GRM5: variants seen among roughly 807,000 people sequenced by gnomAD.
The protein encoded by GRM5 is metabotropic glutamate receptor 5.
In GRM5, 19 loss-of-function variants were observed where a neutral mutation model predicts 83.1. The ratio of observed to expected loss-of-function variants is 0.23; its 90% CI spans 0.16 to 0.34. The LOEUF (loss-of-function observed/expected upper bound fraction) is 0.34, where lower values mean the gene tolerates loss of function less well. Ranked by LOEUF, GRM5 falls within the 10% of genes least tolerant of loss-of-function variation. The pLI, the probability that GRM5 is intolerant of heterozygous loss-of-function variation, is 1.00. For synonymous variants in GRM5, 675 were observed against 633.6 expected (o/e 1.07, Z -0.98); for missense variants, 1,160 against 1,588.3 (o/e 0.73, Z 4.58).
intron 2 of GRM5, among the ~76,000 whole-genome samples, chr11:88,942,985 C>A (rs2135668567): frequency 6.6e-6 from 1 of 152,164 alleles, no homozygotes; most frequent in Non-Finnish European, 1.5e-5. Context: ...AATATGGCAC[C>A]ATTTCTTTAT....
chr11:88,583,460 T>C (rs1232877633), intron 7 of GRM5, among the ~76,000 whole-genome samples: 2 of 152,242 alleles, frequency 1.3e-5, no homozygotes, highest in African/African-American at 2.4e-5. Flanking sequence ...AGCTTTGGAC[T>C]TACGTAAGAT....
intron 1 of GRM5, among the ~76,000 whole-genome samples, chr11:89,056,774 T>C (rs1036590985): frequency 2.0e-5 from 3 of 152,152 alleles, no homozygotes; most frequent in Non-Finnish European, 4.4e-5. Flanking sequence ...GGTAAATGTA[T>C]TAATAGTTTG....
rs1008672368 is a variant in GRM5, at chr11:88,611,970, A to AT, written c.1148-7007dup. Among the ~76,000 whole-genome samples, 67 of 146,032 alleles carry AT rather than the reference A, an allele frequency of 4.6e-4. 1 individual carries two copies. Among genetic ancestry groups the AT allele is most frequent in the African/African-American group, 9.8e-4 (36 of 36,852 alleles). Reference sequence around the variant, plus strand: ...GAATTTATTTATTTATTTATTTATTATTTTTTTTTATTATACTTTAAGTTT... The same window carrying AT: ...GAATTTATTTATTTATTTATTTATTATTTTTTTTTTATTATACTTTAAGTTT... On this transcript the variant is annotated intron_variant, in intron 4 of 9. Coordinates refer to ENST00000305447, the MANE Select transcript of GRM5 (RefSeq NM_001143831.3).
chr11:88,902,820 A>G (rs1252878918), intron 2 of GRM5, among the ~76,000 whole-genome samples: 1 of 151,828 alleles, frequency 6.6e-6, no homozygotes, highest in Non-Finnish European at 1.5e-5. Context: ...GCATGGTGGT[A>G]TGCGCCTGTG....
chr11:88,914,792 T>C (rs554145132), intron 2 of GRM5, among the ~76,000 whole-genome samples: 1 of 152,332 alleles, frequency 6.6e-6, no homozygotes, highest in East Asian at 1.9e-4. Context: ...TTAGCAATCA[T>C]AATAGGTATT....
chr11:88,915,751 A>T (rs1945579242), intron 2 of GRM5, among the ~76,000 whole-genome samples: 1 of 152,128 alleles, frequency 6.6e-6, no homozygotes, highest in Non-Finnish European at 1.5e-5. Context: ...TCTTTGGAGG[A>T]TCTTCAAAGC....
chr11:88,648,682 G>T (rs2221107), intron 4 of GRM5, among the ~76,000 whole-genome samples: 104,210 of 151,432 alleles, frequency 0.69, 41,611 homozygotes, highest in Non-Finnish European at 0.9. Flanking sequence ...TCAAGAGAGA[G>T]ATTCAAATCT....
chr11:88,586,329 C>A (rs915281164), intron 7 of GRM5, among the ~76,000 whole-genome samples: 3 of 152,086 alleles, frequency 2.0e-5, no homozygotes, highest in Non-Finnish European at 4.4e-5. Flanking sequence ...TTGTTTAATT[C>A]CAGGTGGGCT....
chr11:88,740,968 TG>T (rs758576568), intron 3 of GRM5, among the ~76,000 whole-genome samples: 57 of 152,158 alleles, frequency 3.7e-4, no homozygotes, highest in Middle Eastern at 3.4e-3. Context: ...GATCTGTTGG[TG>T]GTATCTTCCT....
In GRM5 at chr11:88,509,265, C is replaced by T; in HGVS notation, c.2966G>A (p.Gly989Glu). 6.8e-7 allele frequency: 1 copy of T among 1,472,916 alleles called. No homozygotes were observed. Among genetic ancestry groups the T allele is most frequent in the Non-Finnish European group, 9.0e-7 (1 of 1,116,776 alleles). 91.2% of individuals were successfully genotyped at this position (1,472,916 alleles called of 1,614,324 possible). ...GAGCAGAGPGGPESPDAGPKA... is the reference protein window; with the variant it reads ...GAGCAGAGPGEPESPDAGPKA... ...GGGGCCGGCGTCTGGGGACTCGGGC[C>T]CGCCTGGGCCGGCGCCTGCGCAGCC... The change falls in exon 10 of 10, where the codon GGG (glycine) becomes GAG (glutamate). Residue 989 changes from glycine (G) to glutamate (E), a missense_variant. Gly to Glu is a moderately conservative substitution (Grantham distance 98). Coordinates refer to ENST00000305447, the MANE Select transcript of GRM5 (RefSeq NM_001143831.3).
chr11:88,807,664 C>T (rs1943519457), intron 3 of GRM5, among the ~76,000 whole-genome samples: 1 of 152,014 alleles, frequency 6.6e-6, no homozygotes, highest in Non-Finnish European at 1.5e-5. Flanking sequence ...GTCTGTTAAG[C>T]AAGTCTGTCA....
intron 8 of GRM5, among the ~76,000 whole-genome samples, chr11:88,563,049 T>G (rs1417963879): frequency 1.3e-5 from 2 of 152,154 alleles, no homozygotes; most frequent in African/African-American, 4.8e-5. Flanking sequence ...ATGAGGAAAA[T>G]GAACTCTAAA....
intron 2 of GRM5, among the ~76,000 whole-genome samples, chr11:88,997,655 AG>A (rs1343111841): frequency 6.6e-6 from 1 of 152,074 alleles, no homozygotes; most frequent in Non-Finnish European, 1.5e-5. Context: ...AGGAATAGTA[AG>A]GGGATACTAC....
At chr11:88,840,679 C>T (rs1944182985) in intron 3 of GRM5, among the ~76,000 whole-genome samples, 1 of 152,188 alleles carries the variant, frequency 6.6e-6, no homozygotes, top group South Asian at 2.1e-4. Context: ...GATGTTGTCT[C>T]TATTTGGATC....
At chr11:88,850,251 AT>A (rs1944366532) in intron 2 of GRM5, 96 bp from the exon 3 acceptor site, 1 of 767,478 alleles carries the variant, frequency 1.3e-6, no homozygotes, top group African/African-American at 1.7e-5. Flanking sequence ...CATGAAAGTC[AT>A]TGGTATGGGA....
At chr11:88,973,691 T>C (rs1939237686) in intron 2 of GRM5, among the ~76,000 whole-genome samples, 1 of 152,170 alleles carries the variant, frequency 6.6e-6, no homozygotes, top group African/African-American at 2.4e-5. Context: ...TAAATTTCTG[T>C]TGTTTAAATC....
At chr11:88,790,287 G>T (rs1943148950) in intron 3 of GRM5, among the ~76,000 whole-genome samples, 1 of 152,104 alleles carries the variant, frequency 6.6e-6, no homozygotes, top group Non-Finnish European at 1.5e-5. Flanking sequence ...TACAAACACA[G>T]AACATCACAC....
intron 2 of GRM5, among the ~76,000 whole-genome samples, chr11:89,005,061 T>C (rs993707294): frequency 2.0e-5 from 3 of 152,238 alleles, no homozygotes; most frequent in African/African-American, 7.2e-5. Flanking sequence ...TACTGACTTC[T>C]CTGACTATGG....
chr11:88,723,463 G>A (rs1941596253), intron 3 of GRM5, among the ~76,000 whole-genome samples: 1 of 152,208 alleles, frequency 6.6e-6, no homozygotes, highest in East Asian at 1.9e-4. Context: ...TTGTTCGTTT[G>A]TATTCCAAAG....
Sources: gnomAD v4.1 joint callset for allele counts (sites outside exome capture counted in the v4.1 genomes callset) on GRCh38, gnomAD v4.1.1 for gene constraint, MANE v1.5 for transcripts, NCBI Gene and HGNC (gene_info 2026-07-23, HGNC 2026-07-21) for gene names.